Variants in HSPG2 observed in about 807,000 individuals in gnomAD.
HSPG2 encodes heparan sulfate proteoglycan 2, also known as basement membrane-specific heparan sulfate proteoglycan core protein.
HSPG2 carries 278 observed loss-of-function variants against 526.6 expected under a neutral mutation model. The ratio of observed to expected loss-of-function variants is 0.53; its 90% CI spans 0.48 to 0.58. HSPG2 has a LOEUF of 0.58. HSPG2 is among the 20% of genes least tolerant of loss of function. The probability of loss-of-function intolerance (pLI) is 0.00; values close to 1 mark genes in which losing one functional copy is unlikely to be tolerated. For missense variants in HSPG2, 5,354 were observed against 6,099.5 expected, an observed-to-expected ratio of 0.88 and a Z score of 4.07; for synonymous variants, 2,465 against 2,555.4, an observed-to-expected ratio of 0.96 and a Z score of 1.07.
In HSPG2 at chr1:21,863,046, G is replaced by T. The variant is rs369480727; in HGVS notation, c.4741-931C>A. 2.2e-3 allele frequency among the ~76,000 whole-genome samples: 144 copies of T among 64,642 alleles called. 1 individual carries two copies. Among genetic ancestry groups the T allele is most frequent in the Middle Eastern group, 0.017 (1 of 60 alleles). The allele number at this position is 64,642 out of a possible 152,430, so 42.4% of individuals were successfully genotyped here. A position where few individuals can be genotyped will look rare whatever the true frequency, so the allele number is the denominator to read the frequency against. ...TTGCACTCCAGCCTGGGTGACAAAAGCGAGACTCCATCTCAAAAAAAAAAA... is the reference window on the plus strand; with the variant it reads ...TTGCACTCCAGCCTGGGTGACAAAATCGAGACTCCATCTCAAAAAAAAAAA... On this transcript the variant is annotated intron_variant, in intron 37 of 96. Transcript: ENST00000374695.
In HSPG2 at chr1:21,859,831, G is replaced by A. The variant is rs760321201; in HGVS notation, c.5182+4C>T. On this transcript the variant is annotated splice_donor_region_variant and intron_variant, in intron 41 of 96. Coordinates refer to ENST00000374695, the MANE Select transcript of HSPG2 (RefSeq NM_005529.7). The surrounding 1 kb of genome is among the most constrained non-coding windows in gnomAD (Gnocchi z 5.3). ...GGGGCTGAGGAGCCTAGGGCCATGG[G>A]TACCTTGATGTCGCTGCTGGGTGCC... 2 of 1,611,164 alleles carry A rather than the reference G, an allele frequency of 1.2e-6. No homozygotes were observed. The highest frequency in any genetic ancestry group is 1.1e-5 in the South Asian group (1 of 90,278).
Position 21,839,693 on chromosome 1 carries a change from G to T in HSPG2, c.9709+129C>A. 1 of 1,365,666 alleles carries T rather than the reference G, an allele frequency of 7.3e-7. No homozygotes were observed. The highest frequency in any genetic ancestry group is 1.0e-6 in the Non-Finnish European group (1 of 982,924). The allele number at this position is 1,365,666 out of a possible 1,614,324, so 84.6% of individuals were successfully genotyped here. On this transcript the variant is annotated intron_variant, in intron 72 of 96. Coordinates refer to ENST00000374695, the MANE Select transcript of HSPG2 (RefSeq NM_005529.7). The surrounding 1 kb of genome is among the most constrained non-coding windows in gnomAD (Gnocchi z 4.5). ...GGTTCCTCGGCCATCACTGGGGGATGCTAGCAACACGGTCTCCCCGTACTC... is the reference window on the plus strand; with the variant it reads ...GGTTCCTCGGCCATCACTGGGGGATTCTAGCAACACGGTCTCCCCGTACTC...
chr1:21,931,366 AG>A (rs1449052834), intron 1 of HSPG2, among the ~76,000 whole-genome samples: 1 of 152,212 alleles, frequency 6.6e-6, no homozygotes, highest in Non-Finnish European at 1.5e-5. Context: ...CGGGAGCAGG[AG>A]GGGGTGGCAG....
intron 21 of HSPG2, 120 bp from the exon 22 acceptor site, chr1:21,876,772 CAT>C (rs1641102259): frequency 7.5e-7 from 1 of 1,339,942 alleles, no homozygotes; most frequent in Non-Finnish European, 1.0e-6. Flanking sequence ...TGAAAGAGCA[CAT>C]GTGGCTGGGC....
intron 39 of HSPG2, among the ~76,000 whole-genome samples, chr1:21,860,766 TGA>T (rs1177493507): frequency 6.6e-6 from 1 of 152,208 alleles, no homozygotes; most frequent in African/African-American, 2.4e-5. Flanking sequence ...ATTATAGGCA[TGA>T]GCCACCACGC....
chr1:21,855,366 C>A lies in HSPG2; in HGVS notation c.5935G>T (p.Ala1979Ser). 6.2e-7 allele frequency: 1 copy of A among 1,612,218 alleles called. No individual in the cohort carries two copies. The highest frequency in any genetic ancestry group is 8.5e-7 in the Non-Finnish European group (1 of 1,179,572). Residue 1979 changes from alanine to serine, a missense_variant, in exon 47 of 97, where the codon GCT (alanine) becomes TCT (serine). By Grantham distance (99) the Ala-to-Ser change is moderately conservative. Transcript: ENST00000374695. ...AGRTVRLYCR[A>S]AGVPSATITW... ...ATGGTGGCGCTAGGCACGCCTGCAGCCCTGCAGTACAGCCTGACGGTGCGG... is the reference window on the plus strand; with the variant it reads ...ATGGTGGCGCTAGGCACGCCTGCAGACCTGCAGTACAGCCTGACGGTGCGG...
chr1:21,862,538 T>G (rs1325090496), intron 37 of HSPG2, among the ~76,000 whole-genome samples: 1 of 142,908 alleles, frequency 7.0e-6, no homozygotes, highest in African/African-American at 2.6e-5. Flanking sequence ...GAGCCGAGAT[T>G]GCACCACTGC....
rs764510993 is a variant in HSPG2 at position 21,876,336 on chromosome 1, CGTT to C, written c.2893_2895del (p.Asn965del). On this transcript the variant is annotated inframe_deletion, in exon 23 of 97. Transcript: ENST00000374695. ...CCGGGCGTGGGGGAGAAGATGCCCT[CGTT>C]GGTGGTGTGGGTGCTTGCGGCGTTG... The C allele has an allele frequency of 6.2e-7, 1 of 1,613,870 alleles. No individual in the cohort carries two copies. The highest frequency in any genetic ancestry group is 8.5e-7 in the Non-Finnish European group (1 of 1,179,942).
At position 21,875,713 on chromosome 1, in the gene HSPG2, G is replaced by T; in HGVS notation, c.3218C>A (p.Thr1073Lys). 1 of 1,604,978 alleles carries T rather than the reference G, an allele frequency of 6.2e-7. No individual in the cohort carries two copies. The change falls in exon 25 of 97, where the codon ACA (threonine) becomes AAA (lysine). Residue 1073 changes from threonine to lysine, a missense_variant. Physicochemically the swap from Thr to Lys is moderately conservative, Grantham distance 78 (BLOSUM62 -1). Coordinates refer to ENST00000374695, the MANE Select transcript of HSPG2 (RefSeq NM_005529.7). Reference protein sequence around the residue: ...AWQRPDGQPATREHLLMALAG... With the variant: ...AWQRPDGQPAKREHLLMALAG... ...CAGTGCCATCAGCAGGTGCTCCCGT[G>T]TGGCTGGCTGCCCATCGGGCCGCTG...
intron 67 of HSPG2, 101 bp downstream of exon 67, chr1:21,842,669 G>A (rs2098053897): frequency 6.7e-7 from 1 of 1,491,800 alleles, no homozygotes; most frequent in Non-Finnish European, 9.3e-7. Context: ...ATCCCCTGGG[G>A]TCCCCAAGCA....
At chr1:21,829,820 C>T (rs1416366772) in intron 86 of HSPG2, 173 bp downstream of exon 86, 3 of 723,852 alleles carry the variant, frequency 4.1e-6, no homozygotes, top group Non-Finnish European at 7.0e-6. Flanking sequence ...CTTTGGGGGC[C>T]CTCACTCAAT....
At chr1:21,883,909 G>A (rs1275689396) in intron 13 of HSPG2, among the ~76,000 whole-genome samples, 1 of 152,182 alleles carries the variant, frequency 6.6e-6, no homozygotes, top group African/African-American at 2.4e-5. Flanking sequence ...CTATCTTTGG[G>A]AAAATAGGAC....
intron 1 of HSPG2, among the ~76,000 whole-genome samples, chr1:21,897,670 C>T (rs1419684073): frequency 7.2e-5 from 11 of 152,232 alleles, no homozygotes; most frequent in Admixed American, 3.3e-4. Context: ...ACAAACTATA[C>T]GATTCCATTT....
rs573109906 is a variant in HSPG2, at chr1:21,857,011, G to A, written c.5575+4C>T. ...GGAGAATCAGGTATAGATGGGAGGT[G>A]TACCCTGCACATGTAGAGTGGCTGT... is the stretch of plus-strand genomic sequence containing the variant. On this transcript the variant is annotated splice_donor_region_variant and intron_variant, in intron 44 of 96. Coordinates refer to ENST00000374695, the MANE Select transcript of HSPG2 (RefSeq NM_005529.7). The A allele has an allele frequency of 2.5e-6, 4 of 1,614,040 alleles. No homozygotes were observed. In the South Asian group the frequency reaches 4.4e-5, roughly 18 times the overall value.
At chr1:21,922,244 C>T (rs939460221) in intron 1 of HSPG2, among the ~76,000 whole-genome samples, 4 of 152,198 alleles carry the variant, frequency 2.6e-5, no homozygotes, top group Admixed American at 1.3e-4. Context: ...CGAACTCACC[C>T]GCCCAGGGTC....
intron 1 of HSPG2, among the ~76,000 whole-genome samples, chr1:21,897,224 C>T (rs1208567518): frequency 6.6e-6 from 1 of 152,198 alleles, no homozygotes; most frequent in African/African-American, 2.4e-5. Flanking sequence ...CCGTGGCCCT[C>T]AAGTGTGCAG....
intron 37 of HSPG2, among the ~76,000 whole-genome samples, chr1:21,863,427 G>A (rs1200036301): frequency 6.6e-6 from 1 of 152,058 alleles, no homozygotes; most frequent in African/African-American, 2.4e-5. Flanking sequence ...ATAAAAACAT[G>A]TGGGTTACAG....
At chr1:21,873,683 G>A (rs750596067) in intron 29 of HSPG2, among the ~76,000 whole-genome samples, 12 of 152,216 alleles carry the variant, frequency 7.9e-5, no homozygotes, top group Non-Finnish European at 1.3e-4. Flanking sequence ...TGGCCTGGCT[G>A]GGGCAGGGGG....
chr1:21,886,379 C>T (rs79428567), intron 9 of HSPG2, among the ~76,000 whole-genome samples: 23 of 140,372 alleles, frequency 1.6e-4, no homozygotes, highest in African/African-American at 3.9e-4. Context: ...GCCTCTCCCC[C>T]GGGGCTTGCT....
Sources: gnomAD v4.1 joint callset for allele counts (sites outside exome capture counted in the v4.1 genomes callset) on GRCh38, gnomAD v4.1.1 for gene constraint, Gnocchi (gnomAD v3.1) non-coding constraint, MANE v1.5 for transcripts, NCBI Gene and HGNC (gene_info 2026-07-23, HGNC 2026-07-21) for gene names.